DHX36: variants seen among roughly 807,000 people sequenced by gnomAD.
DHX36 encodes ATP-dependent DNA/RNA helicase DHX36.
Under a neutral mutation model 139.0 loss-of-function variants are expected in DHX36, and 50 were observed. That is an observed-to-expected ratio of 0.36 (90% confidence interval 0.29 to 0.46). DHX36 has a LOEUF of 0.46. Among genes scored for constraint, DHX36 ranks in the 20% least tolerant of loss-of-function variants. The pLI is 1.00. For synonymous variants in DHX36, 425 were observed against 401.9 expected (o/e 1.06, Z -0.69); for missense variants, 1,024 against 1,211.3 (o/e 0.85, Z 2.29).
In DHX36 at chr3:154,301,147, G is replaced by C; in HGVS notation, c.1218-20C>G. The C allele has an allele frequency of 6.4e-7, 1 of 1,560,684 alleles. No individual in the cohort carries two copies. The highest frequency in any genetic ancestry group is 8.6e-7 in the Non-Finnish European group (1 of 1,162,124). ...ACATACCTAAAATAAAAACATTCTT[G>C]AATATCTTCACTTTTTTGAAACTCT... On this transcript the variant is annotated intron_variant, in intron 9 of 24. Transcript: ENST00000496811.
chr3:154,316,563 T>C (rs1383903323), intron 1 of DHX36, among the ~76,000 whole-genome samples: 1 of 152,122 alleles, frequency 6.6e-6, no homozygotes, highest in Non-Finnish European at 1.5e-5. Flanking sequence ...TGGAAATAGT[T>C]TGGTTGTAAT....
At chr3:154,295,135 T>C in intron 13 of DHX36, 149 bp downstream of exon 13, 2 of 483,298 alleles carry the variant, frequency 4.1e-6, no homozygotes, top group Non-Finnish European at 7.5e-6. Context: ...TGAAGACTCA[T>C]TTGCAAAGGT....
In DHX36 at chr3:154,274,839, G is replaced by T. The variant is rs1192956846; in HGVS notation, c.*1332C>A. The T allele has an allele frequency of 6.6e-6, 1 of 152,226 alleles. No individual in the cohort carries two copies. The highest frequency in any genetic ancestry group is 6.5e-5 in the Admixed American group (1 of 15,278). The allele number at this position is 152,226 out of a possible 1,614,324, so 9.4% of individuals were successfully genotyped here. A position where few individuals can be genotyped will look rare whatever the true frequency, so the allele number is the denominator to read the frequency against. On this transcript the variant is annotated 3_prime_UTR_variant, in exon 25 of 25. Coordinates refer to ENST00000496811, the MANE Select transcript of DHX36 (RefSeq NM_020865.3). ...AGGGAACACCAGAATAAGCAAGCAA[G>T]AAGGGAGGGACAAAATAGTTGCTGG...
At chr3:154,287,197 T>C (rs1223628212) in intron 17 of DHX36, among the ~76,000 whole-genome samples, 1 of 152,194 alleles carries the variant, frequency 6.6e-6, no homozygotes, top group African/African-American at 2.4e-5. Flanking sequence ...CATTTATTTA[T>C]AAAAACTTTT....
intron 1 of DHX36, among the ~76,000 whole-genome samples, chr3:154,316,474 C>T (rs1712988627): frequency 6.6e-6 from 1 of 151,974 alleles, no homozygotes. Context: ...CCCTCACATA[C>T]TAATTATTAT....
At position 154,283,250 on chromosome 3, in the gene DHX36, G is replaced by A. The variant is rs755829356; in HGVS notation, c.2314C>T (p.Arg772Cys). 3.9e-5 allele frequency: 63 copies of A among 1,613,432 alleles called. No homozygotes were observed. The highest frequency in any genetic ancestry group is 5.1e-5 in the Non-Finnish European group (60 of 1,179,600). ...AFEGWEEARR[R>C]GFRYEKDYCW... ...TAGTCCTTTTCGTATCTGAAACCAC[G>A]TCGCCTAGCCTCTTCCCAGCCCTAT... is the stretch of plus-strand genomic sequence containing the variant. Residue 772 changes from arginine (R) to cysteine (C), a missense_variant, in exon 20 of 25, where the codon CGT (arginine) becomes TGT (cysteine). Physicochemically the swap from Arg to Cys is radical, Grantham distance 180. This residue lies in a region of DHX36 where 470 missense variants were observed against 616.2 expected (regional missense o/e 0.76). Transcript: ENST00000496811.
At chr3:154,304,674 G>C (rs193154269) in intron 8 of DHX36, 132 bp downstream of exon 8, 4 of 679,492 alleles carry the variant, frequency 5.9e-6, no homozygotes, top group Non-Finnish European at 9.0e-6. Context: ...TGAAACTGGA[G>C]GGTAGAATAA....
At chr3:154,277,507 A>G in intron 23 of DHX36, 91 bp downstream of exon 23, 1 of 1,344,970 alleles carries the variant, frequency 7.4e-7, no homozygotes, top group South Asian at 2.1e-5. Context: ...AACAAAAAAA[A>G]AATTTTGTAT....
chr3:154,324,065 C>T, intron 1 of DHX36, 109 bp downstream of exon 1: 3 of 1,277,000 alleles, frequency 2.3e-6, no homozygotes, highest in East Asian at 2.4e-5. Flanking sequence ...ATTTACATTT[C>T]ACAAAACACG....
chr3:154,291,523 T>C (rs1285575693), intron 15 of DHX36, among the ~76,000 whole-genome samples: 2 of 152,196 alleles, frequency 1.3e-5, no homozygotes, highest in Admixed American at 1.3e-4. Flanking sequence ...TAACTGATTA[T>C]TAGGAGGGTA....
At chr3:154,317,926 G>C (rs1713046613) in intron 1 of DHX36, among the ~76,000 whole-genome samples, 1 of 152,086 alleles carries the variant, frequency 6.6e-6, no homozygotes, top group East Asian at 1.9e-4. Flanking sequence ...TCTGTACAGT[G>C]CAACTCTTAT....
At chr3:154,290,096 C>A (rs1262472734) in intron 15 of DHX36, among the ~76,000 whole-genome samples, 1 of 152,154 alleles carries the variant, frequency 6.6e-6, no homozygotes, top group East Asian at 1.9e-4. Flanking sequence ...CTATTTCTGA[C>A]AGATTCCAAA....
At position 154,284,798 on chromosome 3, in the gene DHX36, T is replaced by A; in HGVS notation, c.2205+16A>T. The A allele has an allele frequency of 6.2e-7, 1 of 1,611,542 alleles. No individual in the cohort carries two copies. Among genetic ancestry groups the A allele is most frequent in the Non-Finnish European group, 8.5e-7 (1 of 1,178,760 alleles). On this transcript the variant is annotated intron_variant, in intron 18 of 24. Coordinates refer to ENST00000496811, the MANE Select transcript of DHX36 (RefSeq NM_020865.3). ...TCACATCTAAAATAACTCGGTTTTA[T>A]TTCCATTTTTCTTACCAGTGGAATG...
At chr3:154,313,246 G>A (rs1187113017) in intron 3 of DHX36, among the ~76,000 whole-genome samples, 2 of 152,000 alleles carry the variant, frequency 1.3e-5, no homozygotes, top group African/African-American at 4.8e-5. Context: ...AATGCCACTG[G>A]AAAGAGAGGT....
Position 154,292,688 on chromosome 3 carries a change from G to A in DHX36, c.1677C>T (p.Thr559=). ...CTATCACATAAACGACATCATCTAT[G>A]GTAATGCTGTTTGGAAAACAGATAT... ...IATNIAETSI[T]IDDVVYVIDG... Residue 559 remains threonine (T), a synonymous_variant, in exon 15 of 25, where the codon ACC becomes ACT. Transcript: ENST00000496811. 1 of 1,610,104 alleles carries A rather than the reference G, an allele frequency of 6.2e-7. No homozygotes were observed. Among genetic ancestry groups the A allele is most frequent in the South Asian group, 1.1e-5 (1 of 90,978 alleles).
At chr3:154,280,958 C>A in intron 20 of DHX36, 96 bp from the exon 21 acceptor site, 1 of 898,558 alleles carries the variant, frequency 1.1e-6, no homozygotes, top group African/African-American at 1.7e-5. Context: ...TAAGCTATCC[C>A]TGCTTTATGA....
chr3:154,277,265 ATACTTAT>A (rs1207687314), intron 23 of DHX36, among the ~76,000 whole-genome samples: 1 of 152,176 alleles, frequency 6.6e-6, no homozygotes, highest in Non-Finnish European at 1.5e-5. Context: ...ATGCTGAACA[ATACTTAT>A]AAGGTATACT....
At chr3:154,286,331 ACT>A (rs1318419706) in intron 17 of DHX36, among the ~76,000 whole-genome samples, 6 of 151,410 alleles carry the variant, frequency 4.0e-5, no homozygotes, top group Admixed American at 3.9e-4. Flanking sequence ...AATAAATAAA[ACT>A]CTAATTATTT....
At chr3:154,304,733 C>T (rs1338133326) in intron 8 of DHX36, 73 bp downstream of exon 8, 2 of 1,141,170 alleles carry the variant, frequency 1.8e-6, no homozygotes, top group East Asian at 5.2e-5. Flanking sequence ...TACTCTTTAC[C>T]TAGTACCATA....
Sources: gnomAD v4.1 joint callset for allele counts (sites outside exome capture counted in the v4.1 genomes callset) on GRCh38, gnomAD v4.1.1 for gene constraint, gnomAD v4.1.1 regional missense constraint, MANE v1.5 for transcripts, NCBI Gene and HGNC (gene_info 2026-07-23, HGNC 2026-07-21) for gene names.